Variants in RBFOX1 observed in about 807,000 individuals in gnomAD.
RBFOX1 encodes the protein RNA binding protein fox-1 homolog 1.
A neutral mutation model predicts 57.7 loss-of-function variants in RBFOX1; 8 were observed. The ratio of observed to expected loss-of-function variants is 0.14; its 90% CI spans 0.08 to 0.25. The LOEUF is 0.25. RBFOX1 is among the 10% of genes least tolerant of loss of function. The pLI, the probability that RBFOX1 is intolerant of heterozygous loss-of-function variation, is 1.00. For synonymous variants in RBFOX1, 326 were observed against 222.4 expected (o/e 1.47, Z -4.15); for missense variants, 611 against 548.5 (o/e 1.11, Z -1.14).
At chr16:5,981,298 C>T (rs1017057215) in intron 4 of RBFOX1, among the ~76,000 whole-genome samples, 1 of 152,172 alleles carries the variant, frequency 6.6e-6, no homozygotes, top group East Asian at 1.9e-4. Flanking sequence ...CTGGCATCTA[C>T]AAATGTTCTG....
intron 5 of RBFOX1, among the ~76,000 whole-genome samples, chr16:7,543,430 G>T (rs1601419861): frequency 6.6e-6 from 1 of 152,098 alleles, no homozygotes; most frequent in Non-Finnish European, 1.5e-5. Flanking sequence ...CCAAGGACTG[G>T]GTGGGTTCTA....
At chr16:5,740,764 A>C (rs563150104) in intron 3 of RBFOX1, among the ~76,000 whole-genome samples, 1 of 152,152 alleles carries the variant, frequency 6.6e-6, no homozygotes, top group Non-Finnish European at 1.5e-5. Flanking sequence ...ACATGCTTTC[A>C]AGGTGAAGTC....
intron 1 of RBFOX1, among the ~76,000 whole-genome samples, chr16:5,393,872 C>G (rs964856589): frequency 1.3e-5 from 2 of 152,180 alleles, no homozygotes; most frequent in East Asian, 1.9e-4. Context: ...ACACTAACTT[C>G]CCATTCACGT....
At chr16:5,706,733 C>CGATGGTT (rs1456724027) in intron 3 of RBFOX1, among the ~76,000 whole-genome samples, 1 of 151,892 alleles carries the variant, frequency 6.6e-6, no homozygotes, top group Non-Finnish European at 1.5e-5. Context: ...TTTTTTCCTA[C>CGATGGTT]GATGGTTGAT....
chr16:7,140,866 C>G (rs2073574323), intron 4 of RBFOX1, among the ~76,000 whole-genome samples: 2 of 152,184 alleles, frequency 1.3e-5, no homozygotes, highest in South Asian at 4.1e-4. Flanking sequence ...TTTCATGAAG[C>G]TCTTTTGTGA....
At chr16:7,535,925 C>A (rs1297257494) in intron 5 of RBFOX1, among the ~76,000 whole-genome samples, 1 of 152,116 alleles carries the variant, frequency 6.6e-6, no homozygotes, top group East Asian at 1.9e-4. Context: ...TTCTTGGGTT[C>A]TTACTATTTG....
At chr16:6,892,554 C>A (rs1244905404) in intron 3 of RBFOX1, among the ~76,000 whole-genome samples, 1 of 152,146 alleles carries the variant, frequency 6.6e-6, no homozygotes, top group South Asian at 2.1e-4. Context: ...CCTGTAATCT[C>A]TGCTACTCAG....
chr16:6,020,755 G>A (rs1000661620), intron 1 of RBFOX1, among the ~76,000 whole-genome samples: 5 of 152,138 alleles, frequency 3.3e-5, no homozygotes, highest in African/African-American at 1.2e-4. Flanking sequence ...AGCGAGGGCG[G>A]GGCTAGTGGG....
chr16:6,651,175 T>G (rs1202537837), intron 2 of RBFOX1, among the ~76,000 whole-genome samples: 1 of 152,176 alleles, frequency 6.6e-6, no homozygotes, highest in Non-Finnish European at 1.5e-5. Context: ...GTGCTGGGAT[T>G]GCAGGCGTGA....
At chr16:7,058,848 G>A (rs189210499) in intron 4 of RBFOX1, among the ~76,000 whole-genome samples, 10 of 152,092 alleles carry the variant, frequency 6.6e-5, no homozygotes, top group African/African-American at 2.2e-4. Context: ...GTTAAAAATG[G>A]GTTGCTTTAA....
chr16:5,446,721 C>T (rs991592868), intron 1 of RBFOX1, among the ~76,000 whole-genome samples: 3 of 152,080 alleles, frequency 2.0e-5, no homozygotes, highest in African/African-American at 7.2e-5. Flanking sequence ...AGCAGAGTGA[C>T]TTGGTAGCTT....
At chr16:6,233,045 C>T (rs1015503949) in intron 1 of RBFOX1, among the ~76,000 whole-genome samples, 2 of 152,060 alleles carry the variant, frequency 1.3e-5, no homozygotes, top group Non-Finnish European at 2.9e-5. Flanking sequence ...CTATGTAGGC[C>T]CCGATACAGA....
Position 6,019,560 on chromosome 16 carries a change from C to G in RBFOX1, c.-559C>G. 2 of 1,137,304 alleles carry G rather than the reference C, an allele frequency of 1.8e-6. No homozygotes were observed. Among genetic ancestry groups the G allele is most frequent in the Non-Finnish European group, 2.2e-6 (2 of 927,504 alleles). 70.5% of individuals were successfully genotyped at this position (1,137,304 alleles called of 1,614,324 possible). A position where few individuals can be genotyped will look rare whatever the true frequency, so the allele number is the denominator to read the frequency against. On this transcript the variant is annotated 5_prime_UTR_variant, in exon 1 of 16. Coordinates refer to ENST00000550418, the MANE Select transcript of RBFOX1 (RefSeq NM_018723.4). The surrounding 1 kb of genome is among the most constrained non-coding windows in gnomAD (Gnocchi z 4.2). ...CCCGGGAACAGCAGAGGCGGCGGCACTGGCTGGACCCACGCGCGCGCCTCC... is the reference window on the plus strand; with the variant it reads ...CCCGGGAACAGCAGAGGCGGCGGCAGTGGCTGGACCCACGCGCGCGCCTCC...
At chr16:7,501,833 A>G (rs1374188838) in intron 4 of RBFOX1, among the ~76,000 whole-genome samples, 2 of 152,136 alleles carry the variant, frequency 1.3e-5, no homozygotes, top group Non-Finnish European at 2.9e-5. Context: ...ACCCTATTGC[A>G]CTGTAAATCT....
At chr16:6,917,888 C>A (rs995895718) in intron 3 of RBFOX1, among the ~76,000 whole-genome samples, 1 of 152,100 alleles carries the variant, frequency 6.6e-6, no homozygotes, top group Non-Finnish European at 1.5e-5. Flanking sequence ...TGACACAAGT[C>A]GAAAGAGGGA....
rs142546714 is a variant in RBFOX1 at position 6,112,337 on chromosome 16, A to G, written c.-127+92345A>G. 2.3e-3 allele frequency among the ~76,000 whole-genome samples: 354 copies of G among 152,322 alleles called. 3 individuals are homozygous for G. In the East Asian group the frequency reaches 0.028, roughly 12 times the overall value. ...TTATCCGATATGTGCATTCTAATAG[A>G]GAAATCAAAGTTTACCTTGACATGT... On this transcript the variant is annotated intron_variant, in intron 1 of 15. Transcript: ENST00000550418.
intron 4 of RBFOX1, among the ~76,000 whole-genome samples, chr16:5,915,789 G>C (rs2058692314): frequency 6.6e-6 from 1 of 152,008 alleles, no homozygotes; most frequent in South Asian, 2.1e-4. Flanking sequence ...CCAAGATCAT[G>C]CCACGGCACT....
intron 1 of RBFOX1, among the ~76,000 whole-genome samples, chr16:6,294,225 A>G (rs66495252): frequency 0.16 from 23,936 of 152,094 alleles, 2,073 homozygotes; most frequent in Non-Finnish European, 0.17. Flanking sequence ...CCAAACAGGA[A>G]AAGGGAAATG....
At chr16:6,267,089 G>C (rs1555593410) in intron 1 of RBFOX1, among the ~76,000 whole-genome samples, 2 of 152,146 alleles carry the variant, frequency 1.3e-5, no homozygotes, top group Non-Finnish European at 2.9e-5. Flanking sequence ...GGTGTTTGAA[G>C]AGTTCCCCAC....
Sources: allele counts gnomAD v4.1 joint callset (sites outside exome capture counted in the v4.1 genomes callset), GRCh38; gene constraint gnomAD v4.1.1; non-coding constraint Gnocchi (gnomAD v3.1); transcripts MANE v1.5; gene names NCBI Gene and HGNC (gene_info 2026-07-23, HGNC 2026-07-21).